NECTIN2: variants seen among roughly 807,000 people sequenced by gnomAD.
The protein encoded by NECTIN2 is nectin-2.
NECTIN2 carries 23 observed loss-of-function variants against 56.9 expected under a neutral mutation model. The observed-to-expected ratio is 0.40, with a 90% CI of 0.29 to 0.57. The LOEUF (loss-of-function observed/expected upper bound fraction) is 0.57, where lower values mean the gene tolerates loss of function less well. NECTIN2 is among the 20% of genes least tolerant of loss of function. The pLI is 0.38. For missense variants in NECTIN2, 587 were observed against 718.3 expected, an observed-to-expected ratio of 0.82 and a Z score of 2.09; for synonymous variants, 302 against 313.8, an observed-to-expected ratio of 0.96 and a Z score of 0.40.
rs781693803 is a variant in NECTIN2 at position 44,874,515 on chromosome 19, G to C, written c.1042+37G>C. On this transcript the variant is annotated intron_variant, in intron 5 of 8. Coordinates refer to ENST00000252483, the MANE Select transcript of NECTIN2 (RefSeq NM_001042724.2). This position sits in a 1 kb window ranked among gnomAD's most constrained non-coding sequence, Gnocchi z 6.3. The stretch of plus-strand genomic sequence containing the variant: ...TTGGGGGCCGTGTGTGGAGACCTGG[G>C]TCCGCTCCCCTGGAGTTCTGCCCTT... 1 of 1,608,044 alleles carries C rather than the reference G, an allele frequency of 6.2e-7. No homozygotes were observed. Among genetic ancestry groups the C allele is most frequent in the Admixed American group, 1.7e-5 (1 of 60,006 alleles).
chr19:44,867,047 T>C (rs1025721724), intron 2 of NECTIN2, among the ~76,000 whole-genome samples: 8 of 152,020 alleles, frequency 5.3e-5, no homozygotes, highest in Non-Finnish European at 1.0e-4. Flanking sequence ...AGACAGAGTT[T>C]TGCTCTTGTT....
At position 44,874,461 on chromosome 19, in the gene NECTIN2, A is replaced by G; in HGVS notation, c.1025A>G (p.Gln342Arg). ...TNAVGMGRAEQVIFVRETPNT... is the reference protein window; with the variant it reads ...TNAVGMGRAERVIFVRETPNT... ...GCCGTGGGCATGGGCCGCGCTGAGC[A>G]GGTCATCTTTGTCCGAGGTGAGTGG... Residue 342 changes from glutamine to arginine, a missense_variant, in exon 5 of 9, where the codon CAG (glutamine) becomes CGG (arginine). Transcript: ENST00000252483. This position sits in a 1 kb window ranked among gnomAD's most constrained non-coding sequence, Gnocchi z 6.3. The G allele has an allele frequency of 1.2e-6, 2 of 1,613,818 alleles. No individual in the cohort carries two copies. The highest frequency in any genetic ancestry group is 8.5e-7 in the Non-Finnish European group (1 of 1,180,012).
chr19:44,870,716 C>CT (rs1198787870), intron 2 of NECTIN2, among the ~76,000 whole-genome samples: 37 of 141,162 alleles, frequency 2.6e-4, no homozygotes, highest in Middle Eastern at 3.7e-3. Flanking sequence ...CCTTGATTTG[C>CT]TTTTTTTTTT....
chr19:44,880,846 C>T (rs1225882793), intron 5 of NECTIN2, among the ~76,000 whole-genome samples: 1 of 150,772 alleles, frequency 6.6e-6, no homozygotes, highest in Non-Finnish European at 1.5e-5. Flanking sequence ...GATCTTGGCT[C>T]ACGGCAACCT....
chr19:44,851,387 A>G (rs1968898097), intron 1 of NECTIN2, among the ~76,000 whole-genome samples: 1 of 143,802 alleles, frequency 7.0e-6, no homozygotes, highest in Non-Finnish European at 1.5e-5. Flanking sequence ...CTAGGCCTCC[A>G]GCTCCTCCTC....
chr19:44,865,286 G>A lies in NECTIN2; in HGVS notation c.104G>A (p.Arg35Gln), dbSNP rs770078525. 31 of 1,611,860 alleles carry A rather than the reference G, an allele frequency of 1.9e-5. No homozygotes were observed. In the South Asian group the frequency reaches 2.4e-4, roughly 13 times the overall value. Residue 35 changes from arginine (R) to glutamine (Q), a missense_variant, in exon 2 of 9, where the codon CGA (arginine) becomes CAA (glutamine). Physicochemically the swap from Arg to Gln is conservative, Grantham distance 43. Coordinates refer to ENST00000252483, the MANE Select transcript of NECTIN2 (RefSeq NM_001042724.2). This position sits in a 1 kb window ranked among gnomAD's most constrained non-coding sequence, Gnocchi z 5.2. ...LLLETGAQDV[R>Q]VQVLPEVRGQ... ...CTCTGCCCAGGAGCCCAGGATGTGC[G>A]AGTTCAAGTGCTACCCGAGGTGCGA...
Position 44,846,478 on chromosome 19 carries a change from AGTGGCCCGCGGGCC to A in NECTIN2, c.-47_-34del, listed in dbSNP as rs1568584242. ...CCGCCCAGCCGATCGGCCCCCACAG[AGTGGCCCGCGGGCC>A]TCCGGCCGGGCCCAGTCCCCTCCCG... On this transcript the variant is annotated 5_prime_UTR_variant, in exon 1 of 9. Transcript: ENST00000252483. 7.0e-7 allele frequency: 1 copy of A among 1,418,522 alleles called. No homozygotes were observed. Among genetic ancestry groups the A allele is most frequent in the Non-Finnish European group, 9.1e-7 (1 of 1,096,758 alleles). The allele number at this position is 1,418,522 out of a possible 1,614,324, so 87.9% of individuals were successfully genotyped here. A position where few individuals can be genotyped will look rare whatever the true frequency, so the allele number is the denominator to read the frequency against.
chr19:44,859,735 G>A (rs1969010024), intron 1 of NECTIN2, among the ~76,000 whole-genome samples: 1 of 151,452 alleles, frequency 6.6e-6, no homozygotes, highest in Admixed American at 6.6e-5. Flanking sequence ...TGAGGCAGGA[G>A]AATCGCTTGA....
chr19:44,854,984 G>T (rs1171530909), intron 1 of NECTIN2, among the ~76,000 whole-genome samples: 2 of 151,240 alleles, frequency 1.3e-5, no homozygotes, highest in Admixed American at 1.3e-4. Context: ...CGGGCGTCGT[G>T]GCGGGCACCT....
At chr19:44,868,383 C>T (rs959486903) in intron 2 of NECTIN2, among the ~76,000 whole-genome samples, 1 of 147,880 alleles carries the variant, frequency 6.8e-6, no homozygotes, top group African/African-American at 2.5e-5. Context: ...GGACTCCCAG[C>T]GGGAAGGTGA....
chr19:44,883,704 G>A (rs755557487), intron 6 of NECTIN2, among the ~76,000 whole-genome samples: 1 of 152,204 alleles, frequency 6.6e-6, no homozygotes, highest in Non-Finnish European at 1.5e-5. Flanking sequence ...GTGCACACCT[G>A]TGGTCCAGCT....
chr19:44,872,590 G>GA (rs1270472169), intron 3 of NECTIN2, among the ~76,000 whole-genome samples: 1 of 151,894 alleles, frequency 6.6e-6, no homozygotes, highest in Non-Finnish European at 1.5e-5. Context: ...GGCTCCCATG[G>GA]ACCCCGGTTG....
At chr19:44,868,341 G>A (rs1969127017) in intron 2 of NECTIN2, among the ~76,000 whole-genome samples, 1 of 136,322 alleles carries the variant, frequency 7.3e-6, no homozygotes, top group Admixed American at 7.7e-5. Flanking sequence ...TCCAGCACGA[G>A]ACCCTGTCTC....
At chr19:44,871,751 G>A (rs1202615004) in intron 2 of NECTIN2, 102 bp from the exon 3 acceptor site, 4 of 1,306,500 alleles carry the variant, frequency 3.1e-6, no homozygotes, top group Non-Finnish European at 4.2e-6. Context: ...AGCTGGGATT[G>A]GAACCCCGGC....
chr19:44,874,984 G>A lies in NECTIN2; in HGVS notation c.1042+506G>A, dbSNP rs930721900. 2.0e-5 allele frequency among the ~76,000 whole-genome samples: 3 copies of A among 152,160 alleles called. No individual in the cohort carries two copies. The highest frequency in any genetic ancestry group is 7.2e-5 in the African/African-American group (3 of 41,438). On this transcript the variant is annotated intron_variant, in intron 5 of 8. Transcript: ENST00000252483. The surrounding 1 kb of genome is among the most constrained non-coding windows in gnomAD (Gnocchi z 6.3). ...AGGGCCACACACCTAGAGCGCGGCC[G>A]GGACTGTTAACAGAGCCATGCTTCC... is the stretch of plus-strand genomic sequence containing the variant.
intron 1 of NECTIN2, among the ~76,000 whole-genome samples, chr19:44,862,167 G>C (rs954586127): frequency 3.3e-5 from 5 of 152,188 alleles, no homozygotes; most frequent in African/African-American, 1.2e-4. Context: ...TGTAATCCTA[G>C]CACTTTGAGA....
chr19:44,872,503 C>T (rs1296564137), intron 3 of NECTIN2, among the ~76,000 whole-genome samples: 1 of 152,018 alleles, frequency 6.6e-6, no homozygotes, highest in Non-Finnish European at 1.5e-5. Flanking sequence ...ATTGGCAAAC[C>T]CTAGAAATGG....
At chr19:44,884,106 T>TAA (rs75039564) in intron 6 of NECTIN2, among the ~76,000 whole-genome samples, 6 of 137,562 alleles carry the variant, frequency 4.4e-5, no homozygotes, top group Admixed American at 2.2e-4. Flanking sequence ...TGAGACCTTG[T>TAA]AAAAAAAAAA....
At chr19:44,878,642 A>G in intron 5 of NECTIN2, 1 of 1,566,304 alleles carries the variant, frequency 6.4e-7, no homozygotes. Context: ...ACAGAGACAG[A>G]GCCAGGCCCG....
Sources: gnomAD v4.1 joint callset for allele counts (sites outside exome capture counted in the v4.1 genomes callset) on GRCh38, gnomAD v4.1.1 for gene constraint, Gnocchi (gnomAD v3.1) non-coding constraint, MANE v1.5 for transcripts, NCBI Gene and HGNC (gene_info 2026-07-23, HGNC 2026-07-21) for gene names.